Variants in TMEM163 observed in about 807,000 individuals in gnomAD.
The protein encoded by TMEM163 is transmembrane protein 163.
Under a neutral mutation model 29.3 loss-of-function variants are expected in TMEM163, and 17 were observed. The ratio of observed to expected loss-of-function variants is 0.58; its 90% confidence interval spans 0.40 to 0.87. The LOEUF (loss-of-function observed/expected upper bound fraction) is 0.87. Among genes scored for constraint, TMEM163 ranks in the 40% least tolerant of loss-of-function variants. The pLI is 0.00. For synonymous variants in TMEM163, 157 were observed against 160.6 expected (o/e 0.98, Z 0.17); for missense variants, 303 against 381.5 (o/e 0.79, Z 1.71).
chr2:134,487,563 A>C (rs1679341541), intron 5 of TMEM163, among the ~76,000 whole-genome samples: 1 of 152,258 alleles, frequency 6.6e-6, no homozygotes, highest in Non-Finnish European at 1.5e-5. Context: ...TGAAATTCGT[A>C]TGGAATATTA....
At chr2:134,523,610 A>G (rs1288457865) in intron 4 of TMEM163, among the ~76,000 whole-genome samples, 3 of 152,226 alleles carry the variant, frequency 2.0e-5, no homozygotes, top group Admixed American at 2.0e-4. Flanking sequence ...AGGAGCTGAT[A>G]TCTAATTCAT....
chr2:134,656,339 A>C (rs556762338), intron 2 of TMEM163, among the ~76,000 whole-genome samples: 198 of 151,356 alleles, frequency 1.3e-3, no homozygotes, highest in African/African-American at 4.7e-3. Context: ...CCTTTCTTTG[A>C]CTCGGAAAGG....
At chr2:134,619,679 C>T (rs1682685518) in intron 2 of TMEM163, among the ~76,000 whole-genome samples, 1 of 152,178 alleles carries the variant, frequency 6.6e-6, no homozygotes, top group East Asian at 1.9e-4. Flanking sequence ...GCTCTTGCCA[C>T]ACCTATTCAA....
intron 2 of TMEM163, among the ~76,000 whole-genome samples, chr2:134,688,149 C>T (rs1684385683): frequency 6.6e-6 from 1 of 152,134 alleles, no homozygotes; most frequent in Non-Finnish European, 1.5e-5. Flanking sequence ...TGCGAAGGAA[C>T]CTCAAAAGAC....
At chr2:134,595,294 G>A in intron 2 of TMEM163, among the ~76,000 whole-genome samples, 1 of 151,832 alleles carries the variant, frequency 6.6e-6, no homozygotes, top group Non-Finnish European at 1.5e-5. Context: ...GCCCTGGTGT[G>A]TGATGTTCCC....
At chr2:134,544,328 T>C (rs1037390120) in intron 4 of TMEM163, among the ~76,000 whole-genome samples, 2 of 152,216 alleles carry the variant, frequency 1.3e-5, no homozygotes, top group Admixed American at 6.5e-5. Context: ...ACCTCCTTCC[T>C]TTCCTCAGTA....
intron 2 of TMEM163, among the ~76,000 whole-genome samples, chr2:134,610,099 A>C (rs192765845): frequency 1.9e-3 from 285 of 152,366 alleles, no homozygotes; most frequent in African/African-American, 6.3e-3. Flanking sequence ...GGCCAATCTT[A>C]GGAAGCACAA....
intron 2 of TMEM163, among the ~76,000 whole-genome samples, 184 bp from the exon 3 acceptor site, chr2:134,552,275 G>A (rs1363228310): frequency 1.3e-5 from 2 of 152,246 alleles, no homozygotes; most frequent in African/African-American, 4.8e-5. Flanking sequence ...AAGATTCCCA[G>A]ACTCCACCTG....
intron 2 of TMEM163, among the ~76,000 whole-genome samples, chr2:134,693,848 G>A (rs757785466): frequency 1.3e-5 from 2 of 152,104 alleles, no homozygotes; most frequent in Non-Finnish European, 2.9e-5. Context: ...CCTCCTACAT[G>A]AGGAACAGCT....
At chr2:134,522,792 C>CA (rs1478230194) in intron 4 of TMEM163, among the ~76,000 whole-genome samples, 1 of 152,224 alleles carries the variant, frequency 6.6e-6, no homozygotes, top group Non-Finnish European at 1.5e-5. Flanking sequence ...ACAAGTACCC[C>CA]ATTTTTCTCT....
intron 1 of TMEM163, among the ~76,000 whole-genome samples, chr2:134,717,673 G>C (rs965379457): frequency 6.6e-6 from 1 of 152,210 alleles, no homozygotes; most frequent in East Asian, 1.9e-4. Context: ...AGGTGCAAAA[G>C]AGCCGGCTTC....
intron 4 of TMEM163, among the ~76,000 whole-genome samples, chr2:134,511,019 C>T (rs1679934038): frequency 6.6e-6 from 1 of 152,130 alleles, no homozygotes; most frequent in African/African-American, 2.4e-5. Flanking sequence ...TTCTTGTGTT[C>T]CAGGGCAAGG....
chr2:134,493,413 G>T (rs1283367741), intron 5 of TMEM163, among the ~76,000 whole-genome samples: 1 of 111,942 alleles, frequency 8.9e-6, no homozygotes, highest in Non-Finnish European at 1.6e-5. Flanking sequence ...TCACTCTGTC[G>T]CCCAGTCTGG....
chr2:134,718,221 T>C (rs567196123), intron 1 of TMEM163, among the ~76,000 whole-genome samples: 1 of 152,200 alleles, frequency 6.6e-6, no homozygotes, highest in South Asian at 2.1e-4. Context: ...CTCGCTCCCC[T>C]CCTTGCGCCC....
At chr2:134,678,466 G>A (rs1475095927) in intron 2 of TMEM163, among the ~76,000 whole-genome samples, 1 of 152,226 alleles carries the variant, frequency 6.6e-6, no homozygotes, top group African/African-American at 2.4e-5. Flanking sequence ...TTGTCTTTCT[G>A]TAAATAAAAT....
chr2:134,665,519 C>T (rs952224353), intron 2 of TMEM163, among the ~76,000 whole-genome samples: 1 of 152,136 alleles, frequency 6.6e-6, no homozygotes, highest in Non-Finnish European at 1.5e-5. Context: ...GGACACAGCC[C>T]AACCATATCA....
rs182437053 is a variant in TMEM163, at chr2:134,674,449, T to C, written c.322+38751A>G. ...ACTCCCGCCTCCCGGGTTCAAGAGA[T>C]TCCCCTGCCTCAGCCTCCCAAGTAG... On this transcript the variant is annotated intron_variant, in intron 2 of 7. Transcript: ENST00000281924. Among the ~76,000 whole-genome samples the C allele has an allele frequency of 2.7e-3, 397 of 146,262 alleles. 2 individuals carry two copies. Among genetic ancestry groups the C allele is most frequent in the African/African-American group, 9.1e-3 (361 of 39,594 alleles).
In TMEM163 at chr2:134,456,688, G is replaced by T. The variant is rs2289470; in HGVS notation, c.*28C>A. On this transcript the variant is annotated 3_prime_UTR_variant, in exon 8 of 8. Transcript: ENST00000281924. ...TGCCTATGTGGAAACTCCTCATCTC[G>T]ATGGTCTCATGCGGATGCTGGCCCC... is the stretch of plus-strand genomic sequence containing the variant. The T allele has an allele frequency of 2.9e-5, 47 of 1,612,732 alleles. No individual in the cohort carries two copies. The highest frequency in any genetic ancestry group is 1.6e-4 in the East Asian group (7 of 44,870).
chr2:134,479,484 A>G (rs1686994889), intron 5 of TMEM163, among the ~76,000 whole-genome samples: 1 of 152,206 alleles, frequency 6.6e-6, no homozygotes, highest in Non-Finnish European at 1.5e-5. Context: ...AAAAAGCATT[A>G]CATCCCAAAT....
Sources: gnomAD v4.1 joint callset for allele counts (sites outside exome capture counted in the v4.1 genomes callset) on GRCh38, gnomAD v4.1.1 for gene constraint, MANE v1.5 for transcripts, NCBI Gene and HGNC (gene_info 2026-07-23, HGNC 2026-07-21) for gene names.